EFNA5: variants seen among roughly 807,000 people sequenced by gnomAD.
EFNA5 encodes ephrin A5, also known as ephrin-A5.
In EFNA5, 5 loss-of-function variants were observed where a neutral mutation model predicts 22.9. The observed-to-expected ratio is 0.22, with a 90% CI of 0.11 to 0.46. EFNA5 has a LOEUF of 0.46. Ranked by LOEUF, EFNA5 falls within the 20% of genes least tolerant of loss-of-function variation. The pLI, the probability that EFNA5 is intolerant of heterozygous loss-of-function variation, is 0.99. For missense variants in EFNA5, 237 were observed against 293.3 expected, an observed-to-expected ratio of 0.81 and a Z score of 1.40; for synonymous variants, 113 against 112.2, an observed-to-expected ratio of 1.01 and a Z score of -0.04.
intron 1 of EFNA5, among the ~76,000 whole-genome samples, chr5:107,437,593 C>T (rs906593290): frequency 2.0e-5 from 3 of 152,160 alleles, no homozygotes; most frequent in African/African-American, 7.2e-5. Context: ...TTATTTTTTA[C>T]GTATAGATCT....
At chr5:107,654,533 G>T (rs1750788073) in intron 1 of EFNA5, among the ~76,000 whole-genome samples, 2 of 152,062 alleles carry the variant, frequency 1.3e-5, no homozygotes, top group African/African-American at 4.8e-5. Flanking sequence ...AGTAGACTTT[G>T]TTCCTTTTGC....
rs1029129100 is a variant in EFNA5, at chr5:107,427,596, G to A, written c.126-87C>T. On this transcript the variant is annotated intron_variant, in intron 1 of 4. Transcript: ENST00000333274. Reference sequence around the variant, plus strand: ...AGTGGTTAAGCCATTCAATAATTTTGGAGCTAAAGCATCTAGTATAGTAAG... The same window carrying A: ...AGTGGTTAAGCCATTCAATAATTTTAGAGCTAAAGCATCTAGTATAGTAAG... 3.9e-6 allele frequency: 5 copies of A among 1,281,766 alleles called. No individual in the cohort carries two copies. The Admixed American group carries it at 9.6e-5, about 25-fold the overall frequency. The allele number at this position is 1,281,766 out of a possible 1,614,324, so 79.4% of individuals were successfully genotyped here.
intron 1 of EFNA5, among the ~76,000 whole-genome samples, chr5:107,655,198 T>C (rs1750797752): frequency 1.3e-5 from 2 of 152,116 alleles, no homozygotes; most frequent in South Asian, 4.1e-4. Context: ...AGGGAGTGAC[T>C]GTAACTAATA....
chr5:107,616,955 T>G (rs190951333), intron 1 of EFNA5, among the ~76,000 whole-genome samples: 1 of 152,100 alleles, frequency 6.6e-6, no homozygotes, highest in Non-Finnish European at 1.5e-5. Flanking sequence ...TTTCTACTCC[T>G]TTGCCTGATT....
intron 1 of EFNA5, among the ~76,000 whole-genome samples, chr5:107,443,249 T>C (rs1051788864): frequency 6.6e-6 from 1 of 152,214 alleles, no homozygotes; most frequent in Admixed American, 6.5e-5. Context: ...GAAGATGACT[T>C]GGCAGTTCCT....
In EFNA5 at chr5:107,633,558, G is replaced by A. The variant is rs1750305951; in HGVS notation, c.125+36931C>T. Among the ~76,000 whole-genome samples the A allele has an allele frequency of 2.0e-5, 3 of 152,206 alleles. No individual in the cohort carries two copies. The South Asian group carries it at 6.2e-4, about 32-fold the overall frequency. ...TCCACTTGTGAGCACCATCAATTAT[G>A]CACTAGAATAACAGGGGCTGGCCAG... On this transcript the variant is annotated intron_variant, in intron 1 of 4. Transcript: ENST00000333274.
intron 1 of EFNA5, among the ~76,000 whole-genome samples, chr5:107,479,555 GTT>G: frequency 6.6e-6 from 1 of 152,198 alleles, no homozygotes; most frequent in Admixed American, 6.5e-5. Flanking sequence ...AGACATGGAA[GTT>G]TTCTAGGGAG....
rs750133350 is a variant in EFNA5, at chr5:107,670,569, C to G, written c.45G>C (p.Trp15Cys). 10 of 1,601,538 alleles carry G rather than the reference C, an allele frequency of 6.2e-6. No individual in the cohort carries two copies. Among genetic ancestry groups the G allele is most frequent in the African/African-American group, 2.7e-5 (2 of 74,266 alleles). ...EMLTLVFLVL[W>C]MCVFSQDPGS... ...CCGGGTCCTGGCTGAACACACACAT[C>G]CAGAGCACCAGAAACACCAGCGTCA... Residue 15 changes from tryptophan (W) to cysteine (C), a missense_variant, in exon 1 of 5, where the codon TGG (tryptophan) becomes TGC (cysteine). Trp to Cys is a radical substitution (Grantham distance 215). Coordinates refer to ENST00000333274, the MANE Select transcript of EFNA5 (RefSeq NM_001962.3).
chr5:107,505,485 C>A (rs1222780608), intron 1 of EFNA5, among the ~76,000 whole-genome samples: 2 of 152,122 alleles, frequency 1.3e-5, no homozygotes, highest in Non-Finnish European at 2.9e-5. Context: ...AGATTTAGGT[C>A]ATTGATCTCA....
Position 107,670,628 on chromosome 5 carries a change from G to T in EFNA5, c.-15C>A, listed in dbSNP as rs775763363. 3 of 1,598,656 alleles carry T rather than the reference G, an allele frequency of 1.9e-6. No individual in the cohort carries two copies. The highest frequency in any genetic ancestry group is 2.6e-6 in the Non-Finnish European group (3 of 1,173,330). ...ACGTGCAACATCACGCCTGGCCAGCGGCGGAGCCCCCGACGCGCCACTCCG... is the reference window on the plus strand; with the variant it reads ...ACGTGCAACATCACGCCTGGCCAGCTGCGGAGCCCCCGACGCGCCACTCCG... On this transcript the variant is annotated 5_prime_UTR_variant, in exon 1 of 5. Coordinates refer to ENST00000333274, the MANE Select transcript of EFNA5 (RefSeq NM_001962.3).
chr5:107,389,805 T>C lies in EFNA5; in HGVS notation c.419-2034A>G, dbSNP rs144870186. On this transcript the variant is annotated intron_variant, in intron 2 of 4. Coordinates refer to ENST00000333274, the MANE Select transcript of EFNA5 (RefSeq NM_001962.3). ...AGCTACTGGATGTGCTCCATACTTC[T>C]GTGAATTAAAAATATGAAATACATT... 6.5e-3 allele frequency among the ~76,000 whole-genome samples: 986 copies of C among 152,336 alleles called. 14 individuals are homozygous for C. The highest frequency in any genetic ancestry group is 0.022 in the African/African-American group (929 of 41,576).
chr5:107,569,915 A>C (rs1043017489), intron 1 of EFNA5, among the ~76,000 whole-genome samples: 1 of 151,446 alleles, frequency 6.6e-6, no homozygotes, highest in African/African-American at 2.4e-5. Flanking sequence ...TTAAAATTCC[A>C]CTTCCTAAGC....
At chr5:107,515,424 G>C (rs889222956) in intron 1 of EFNA5, among the ~76,000 whole-genome samples, 2 of 148,290 alleles carry the variant, frequency 1.3e-5, no homozygotes, top group Non-Finnish European at 3.0e-5. Context: ...GTGTTGCCAG[G>C]CTAGAGTGCA....
chr5:107,474,074 C>T, intron 1 of EFNA5, among the ~76,000 whole-genome samples: 1 of 145,020 alleles, frequency 6.9e-6, no homozygotes, highest in African/African-American at 2.7e-5. Flanking sequence ...GCCCTGTACA[C>T]TTGAGTTTAG....
rs60164431 is a variant in EFNA5, at chr5:107,498,955, A to AGTATGTATGTATGTATGTATGTAT, written c.126-71470_126-71447dup. ...GCCTGTGCTTTTCTTTATGTATATA[A>AGTATGTATGTATGTATGTATGTAT]GTATGTATGTATGTATGTATGTATG... On this transcript the variant is annotated intron_variant, in intron 1 of 4. Coordinates refer to ENST00000333274, the MANE Select transcript of EFNA5 (RefSeq NM_001962.3). Among the ~76,000 whole-genome samples, 60 of 148,576 alleles carry AGTATGTATGTATGTATGTATGTAT rather than the reference A, an allele frequency of 4.0e-4. 1 individual carries two copies. The highest frequency in any genetic ancestry group is 1.1e-3 in the South Asian group (5 of 4,508).
intron 1 of EFNA5, among the ~76,000 whole-genome samples, chr5:107,483,325 C>T (rs1750537688): frequency 6.6e-6 from 1 of 152,130 alleles, no homozygotes; most frequent in African/African-American, 2.4e-5. Flanking sequence ...TGGAATCCAC[C>T]TGGCTTAATT....
intron 1 of EFNA5, among the ~76,000 whole-genome samples, chr5:107,669,779 C>G (rs1040673893): frequency 6.6e-6 from 1 of 152,086 alleles, no homozygotes. Flanking sequence ...GCACACATGA[C>G]GTAACCCGGC....
chr5:107,523,609 G>A (rs969978415), intron 1 of EFNA5, among the ~76,000 whole-genome samples: 1 of 152,256 alleles, frequency 6.6e-6, no homozygotes, highest in Non-Finnish European at 1.5e-5. Flanking sequence ...GTCTGTCCAA[G>A]AGGCTCTATC....
At chr5:107,383,136 T>A (rs1263126743) in intron 4 of EFNA5, among the ~76,000 whole-genome samples, 1 of 152,188 alleles carries the variant, frequency 6.6e-6, no homozygotes, top group East Asian at 1.9e-4. Flanking sequence ...TTGAGTCTCC[T>A]GACCTGGAGT....
Sources: allele counts gnomAD v4.1 joint callset (sites outside exome capture counted in the v4.1 genomes callset), GRCh38; gene constraint gnomAD v4.1.1; transcripts MANE v1.5; gene names NCBI Gene and HGNC (gene_info 2026-07-23, HGNC 2026-07-21).